The following NUDT3 variants were observed in gnomAD, a reference collection of about 807,000 sequenced individuals.
NUDT3 encodes the protein nudix hydrolase 3.
NUDT3 carries 9 observed loss-of-function variants against 23.6 expected under a neutral mutation model. The observed-to-expected ratio is 0.38, with a 90% confidence interval of 0.23 to 0.66. The LOEUF (loss-of-function observed/expected upper bound fraction) is 0.66. NUDT3 is among the 30% of genes least tolerant of loss of function. The probability of loss-of-function intolerance (pLI) is 0.52; values close to 1 mark genes in which losing one functional copy is unlikely to be tolerated. For synonymous variants in NUDT3, 86 were observed against 82.6 expected (o/e 1.04, Z -0.22); for missense variants, 172 against 218.5 (o/e 0.79, Z 1.34).
At chr6:34,320,052 A>G (rs1298264774) in intron 2 of NUDT3, among the ~76,000 whole-genome samples, 1 of 152,190 alleles carries the variant, frequency 6.6e-6, no homozygotes, top group Non-Finnish European at 1.5e-5. Flanking sequence ...CTCCTTTTTA[A>G]TAATTTACAT....
At chr6:34,323,574 A>G (rs557869075) in intron 2 of NUDT3, among the ~76,000 whole-genome samples, 44 of 152,306 alleles carry the variant, frequency 2.9e-4, no homozygotes, top group Admixed American at 1.0e-3. Context: ...CTCAAAAAAA[A>G]AGAGAAAAGA....
rs1333427080 is a variant in NUDT3, at chr6:34,280,156, G to A, written c.*8597C>T. On this transcript the variant is annotated 3_prime_UTR_variant, in exon 5 of 5. Transcript: ENST00000607016. ...CCTGAGGACATCCACCTCGAGAAAA[G>A]GAAACAGGAAAACTATTTCCTTCCG... is the stretch of plus-strand genomic sequence containing the variant. 1 of 152,150 alleles carries A rather than the reference G, an allele frequency of 6.6e-6. No homozygotes were observed. Among genetic ancestry groups the A allele is most frequent in the Admixed American group, 6.5e-5 (1 of 15,276 alleles). The allele number at this position is 152,150 out of a possible 1,614,324, so 9.4% of individuals were successfully genotyped here. A position where few individuals can be genotyped will look rare whatever the true frequency, so the allele number is the denominator to read the frequency against.
rs528305678 is a variant in NUDT3 at position 34,308,062 on chromosome 6, G to A, written c.211-12377C>T. Among the ~76,000 whole-genome samples the A allele has an allele frequency of 2.5e-4, 36 of 141,904 alleles. 1 individual carries two copies. The South Asian group carries it at 7.2e-3, about 29-fold the overall frequency. 93.1% of individuals were successfully genotyped at this position (141,904 alleles called of 152,430 possible). ...CTTGAACCTAGGAGGCAGAGGTTGC[G>A]GTGAACCAAGATCGTGCCACTGCAC... On this transcript the variant is annotated intron_variant, in intron 2 of 4. Coordinates refer to ENST00000607016, the MANE Select transcript of NUDT3 (RefSeq NM_006703.4).
chr6:34,351,268 C>T (rs1033616387), intron 1 of NUDT3, among the ~76,000 whole-genome samples: 4 of 130,588 alleles, frequency 3.1e-5, no homozygotes, highest in East Asian at 2.4e-4. Context: ...TGAGGCCAGG[C>T]GTTCAAGACC....
intron 1 of NUDT3, among the ~76,000 whole-genome samples, chr6:34,344,452 T>C (rs1156337797): frequency 6.6e-6 from 1 of 152,210 alleles, no homozygotes; most frequent in African/African-American, 2.4e-5. Flanking sequence ...GGCCACATAT[T>C]GTATGATTCC....
At chr6:34,361,928 T>C (rs1384188329) in intron 1 of NUDT3, among the ~76,000 whole-genome samples, 3 of 152,218 alleles carry the variant, frequency 2.0e-5, no homozygotes, top group Non-Finnish European at 4.4e-5. Context: ...GTCTGGTGCA[T>C]ACATTTGTCC....
At chr6:34,341,764 ATATT>A (rs1452750242) in intron 2 of NUDT3, 94 bp downstream of exon 2, 29 of 1,021,142 alleles carry the variant, frequency 2.8e-5, no homozygotes, top group Non-Finnish European at 1.4e-6. Context: ...CTGTGACTGT[ATATT>A]TATTCAGTGA....
chr6:34,295,740 T>C, intron 2 of NUDT3, 55 bp from the exon 3 acceptor site: 4 of 1,601,664 alleles, frequency 2.5e-6, no homozygotes, highest in Admixed American at 1.7e-5. Context: ...GCTGGTCTCA[T>C]TCTGAGTCTT....
chr6:34,350,043 C>T (rs1272665465), intron 1 of NUDT3, among the ~76,000 whole-genome samples: 4 of 149,692 alleles, frequency 2.7e-5, no homozygotes, highest in Admixed American at 6.6e-5. Flanking sequence ...GAGCCGAGAT[C>T]GCGCCACTGC....
intron 2 of NUDT3, among the ~76,000 whole-genome samples, chr6:34,323,617 C>T (rs768910435): frequency 6.0e-5 from 9 of 150,390 alleles, no homozygotes; most frequent in Non-Finnish European, 1.3e-4. Context: ...CGAAGCGAAG[C>T]GAAGAGAAGA....
At chr6:34,342,087 G>GC (rs776996353) in intron 1 of NUDT3, 115 bp from the exon 2 acceptor site, 4 of 886,032 alleles carry the variant, frequency 4.5e-6, no homozygotes, top group Non-Finnish European at 5.1e-6. Context: ...CTTTGTTTAT[G>GC]CCTTCCCAAA....
chr6:34,364,012 G>C (rs1324660564), intron 1 of NUDT3, among the ~76,000 whole-genome samples: 1 of 152,118 alleles, frequency 6.6e-6, no homozygotes, highest in African/African-American at 2.4e-5. Flanking sequence ...CTATTCCAGA[G>C]ACGCTAACAA....
chr6:34,354,296 C>T (rs1193913800), intron 1 of NUDT3, among the ~76,000 whole-genome samples: 2 of 151,912 alleles, frequency 1.3e-5, no homozygotes, highest in African/African-American at 4.8e-5. Flanking sequence ...CAGGCATGAG[C>T]CACTGGGCCT....
At chr6:34,316,900 T>C (rs1763869980) in intron 2 of NUDT3, among the ~76,000 whole-genome samples, 1 of 152,184 alleles carries the variant, frequency 6.6e-6, no homozygotes, top group African/African-American at 2.4e-5. Flanking sequence ...AGGATAATTT[T>C]GCCTACTGTG....
At chr6:34,342,289 C>CAAAAAAAAAA (rs200954440) in intron 1 of NUDT3, among the ~76,000 whole-genome samples, 12 of 66,484 alleles carry the variant, frequency 1.8e-4, no homozygotes, top group African/African-American at 5.0e-4. Flanking sequence ...TAGAAGACTT[C>CAAAAAAAAAA]AAAAAAAAAA....
intron 1 of NUDT3, among the ~76,000 whole-genome samples, chr6:34,359,290 T>C (rs1033488512): frequency 3.9e-5 from 6 of 152,176 alleles, no homozygotes; most frequent in African/African-American, 7.2e-5. Context: ...GGATAATTGC[T>C]TGAACCTGGG....
chr6:34,381,035 T>C (rs1365007712), intron 1 of NUDT3, among the ~76,000 whole-genome samples: 2 of 152,018 alleles, frequency 1.3e-5, no homozygotes, highest in African/African-American at 4.8e-5. Context: ...TTTTGCTTTT[T>C]AGACAGGGTC....
chr6:34,351,610 TG>T (rs1581883904), intron 1 of NUDT3, among the ~76,000 whole-genome samples: 1 of 148,682 alleles, frequency 6.7e-6, no homozygotes, highest in East Asian at 1.9e-4. Context: ...GGCGTGGTCG[TG>T]GGCGCTTGTA....
intron 1 of NUDT3, among the ~76,000 whole-genome samples, chr6:34,386,833 A>T (rs1765114881): frequency 2.0e-5 from 3 of 152,186 alleles, no homozygotes; most frequent in African/African-American, 7.2e-5. Context: ...AGTCTAGCAC[A>T]GCTGAGCACG....
Sources: allele counts gnomAD v4.1 joint callset (sites outside exome capture counted in the v4.1 genomes callset), GRCh38; gene constraint gnomAD v4.1.1; transcripts MANE v1.5; gene names NCBI Gene and HGNC (gene_info 2026-07-23, HGNC 2026-07-21).